The following TBL1X variants were observed in gnomAD, a reference collection of about 807,000 sequenced individuals.
TBL1X encodes the protein transducin beta like 1 X-linked.
In TBL1X, 10 loss-of-function variants were observed where a neutral mutation model predicts 50.7. That is an observed-to-expected ratio of 0.20 (90% CI 0.12 to 0.33). TBL1X has a LOEUF of 0.33. Ranked by LOEUF, TBL1X falls within the 10% of genes least tolerant of loss-of-function variation. The probability of loss-of-function intolerance (pLI) is 1.00; values close to 1 mark genes in which losing one functional copy is unlikely to be tolerated. For missense variants in TBL1X, 340 were observed against 504.4 expected (o/e 0.67, Z 3.12); for synonymous variants, 190 against 214.7 (o/e 0.88, Z 1.01).
At chrX:9,600,472 G>T (rs978526908) in intron 2 of TBL1X, among the ~76,000 whole-genome samples, 1 of 81,950 alleles carries the variant, frequency 1.2e-5, no homozygotes, top group East Asian at 4.4e-4. Context: ...TGGTGGGCGG[G>T]GGGGGGGGTA....
intron 2 of TBL1X, among the ~76,000 whole-genome samples, chrX:9,594,026 G>A (rs994235101): frequency 6.2e-5 from 7 of 112,380 alleles, no homozygotes; most frequent in South Asian, 3.6e-4. Context: ...TGCCCCGCTC[G>A]GGGTTACTGG....
chrX:9,511,846 A>G (rs2082057099), intron 2 of TBL1X, among the ~76,000 whole-genome samples: 2 of 112,030 alleles, frequency 1.8e-5, no homozygotes, highest in African/African-American at 6.5e-5. Context: ...CAGGTTGTCT[A>G]CTTCTTAACA....
intron 2 of TBL1X, among the ~76,000 whole-genome samples, chrX:9,535,574 A>G (rs1279884448): frequency 8.9e-6 from 1 of 112,565 alleles, no homozygotes; most frequent in Non-Finnish European, 1.9e-5. Flanking sequence ...AGATGCGATG[A>G]TGAATTCTAT....
At chrX:9,706,827 G>A (rs768243989) in intron 13 of TBL1X, among the ~76,000 whole-genome samples, 16 of 111,105 alleles carry the variant, frequency 1.4e-4, no homozygotes, top group Non-Finnish European at 2.1e-4. Flanking sequence ...CTTGCCCCGC[G>A]CTGAGCCCTG....
intron 2 of TBL1X, among the ~76,000 whole-genome samples, chrX:9,632,295 T>C (rs2082725367): frequency 9.0e-6 from 1 of 111,715 alleles, no homozygotes; most frequent in Non-Finnish European, 1.9e-5. Flanking sequence ...TTTTGTGGTT[T>C]TTTTGAGACA....
intron 3 of TBL1X, among the ~76,000 whole-genome samples, chrX:9,651,500 A>G (rs758019967): frequency 2.2e-4 from 25 of 112,674 alleles, no homozygotes; most frequent in Non-Finnish European, 4.5e-4. Flanking sequence ...TACATTTGCT[A>G]TTGGCACTGT....
At chrX:9,715,050 C>T (rs1415356614) in intron 17 of TBL1X, 47 bp downstream of exon 17, 2 of 1,123,571 alleles carry the variant, frequency 1.8e-6, no homozygotes, top group South Asian at 1.9e-5. Flanking sequence ...TTGGGGGCAG[C>T]TGATGCCTAA....
intron 13 of TBL1X, among the ~76,000 whole-genome samples, 155 bp downstream of exon 13, chrX:9,705,269 A>G (rs1349529448): frequency 3.6e-5 from 4 of 111,955 alleles, no homozygotes; most frequent in East Asian, 2.8e-4. Flanking sequence ...CATGGTAACC[A>G]TGGTGGTTGG....
intron 5 of TBL1X, among the ~76,000 whole-genome samples, chrX:9,665,498 T>A (rs1419900454): frequency 2.3e-4 from 5 of 21,590 alleles, no homozygotes; most frequent in African/African-American, 1.1e-3. Flanking sequence ...GCTATATATA[T>A]ATATATATAT....
At chrX:9,642,143 T>G (rs1247385533) in intron 3 of TBL1X, among the ~76,000 whole-genome samples, 1 of 111,629 alleles carries the variant, frequency 9.0e-6, no homozygotes, top group Non-Finnish European at 1.9e-5. Flanking sequence ...GGGTATTAGT[T>G]CAGTACTTTG....
At chrX:9,523,172 C>G (rs781326628) in intron 2 of TBL1X, among the ~76,000 whole-genome samples, 2 of 111,972 alleles carry the variant, frequency 1.8e-5, no homozygotes, top group South Asian at 3.7e-4. Flanking sequence ...TTTTCTCCCT[C>G]GTTGTCATTC....
chrX:9,581,488 A>T (rs765283089), intron 2 of TBL1X, among the ~76,000 whole-genome samples: 3 of 111,395 alleles, frequency 2.7e-5, no homozygotes, highest in Admixed American at 9.5e-5. Context: ...CCCCTCCGCA[A>T]CTGCCAGGGG....
chrX:9,675,566 G>A (rs1009133107), intron 5 of TBL1X, among the ~76,000 whole-genome samples: 1 of 111,530 alleles, frequency 9.0e-6, no homozygotes, highest in Non-Finnish European at 1.9e-5. Flanking sequence ...AATATTCTGT[G>A]ACCATGATGA....
At chrX:9,607,368 A>G (rs1410447041) in intron 2 of TBL1X, among the ~76,000 whole-genome samples, 2 of 113,214 alleles carry the variant, frequency 1.8e-5, no homozygotes, top group African/African-American at 6.4e-5. Flanking sequence ...TTTTCTAGAC[A>G]AGGCAGAAAG....
At chrX:9,630,094 T>C (rs1430519105) in intron 2 of TBL1X, among the ~76,000 whole-genome samples, 1 of 111,472 alleles carries the variant, frequency 9.0e-6, no homozygotes, top group African/African-American at 3.3e-5. Flanking sequence ...AACAGCTGAA[T>C]GGCAACCTCA....
intron 12 of TBL1X, among the ~76,000 whole-genome samples, chrX:9,699,337 G>A (rs1183418962): frequency 6.3e-5 from 7 of 111,788 alleles, no homozygotes; most frequent in African/African-American, 9.8e-5. Context: ...ATGGCCACCC[G>A]CAGAGCTAAT....
At chrX:9,468,291 C>A (rs2081790075) in intron 1 of TBL1X, among the ~76,000 whole-genome samples, 1 of 111,867 alleles carries the variant, frequency 8.9e-6, no homozygotes, top group African/African-American at 3.3e-5. Flanking sequence ...ACAGTATTTT[C>A]AACGTTGAGC....
intron 12 of TBL1X, 62 bp downstream of exon 12, chrX:9,697,491 G>A: frequency 8.4e-7 from 1 of 1,193,236 alleles, no homozygotes; most frequent in Non-Finnish European, 1.1e-6. Flanking sequence ...AATAATTCAG[G>A]TCGAGCCCAG....
At chrX:9,665,490 T>TAC (rs1491167605) in intron 5 of TBL1X, among the ~76,000 whole-genome samples, 1 of 3,846 alleles carries the variant, frequency 2.6e-4, no homozygotes, top group African/African-American at 1.1e-3. Context: ...ATATTCAAGC[T>TAC]ATATATATAT....
Sources: gnomAD v4.1 joint callset for allele counts (sites outside exome capture counted in the v4.1 genomes callset) on GRCh38, gnomAD v4.1.1 for gene constraint, MANE v1.5 for transcripts, NCBI Gene and HGNC (gene_info 2026-07-23, HGNC 2026-07-21) for gene names.